Variants in ADAM9 observed in about 807,000 individuals in gnomAD.
ADAM9 encodes ADAM metallopeptidase domain 9.
Under a neutral mutation model 108.1 loss-of-function variants are expected in ADAM9, and 54 were observed. That is an observed-to-expected ratio of 0.50 (90% CI 0.40 to 0.63). The LOEUF (loss-of-function observed/expected upper bound fraction) is 0.63. Ranked by LOEUF, ADAM9 falls within the 20% of genes least tolerant of loss-of-function variation. The pLI is 0.00. For missense variants in ADAM9, 830 were observed against 997.7 expected (o/e 0.83, Z 2.26); for synonymous variants, 316 against 336.0 (o/e 0.94, Z 0.65).
At chr8:39,018,756 A>T in intron 6 of ADAM9, 97 bp from the exon 7 acceptor site, 2 of 1,058,692 alleles carry the variant, frequency 1.9e-6, no homozygotes, top group Middle Eastern at 2.0e-4. Context: ...TAATTTTATG[A>T]TGTTCTTAGC....
At chr8:39,001,016 T>A (rs908643159) in intron 1 of ADAM9, among the ~76,000 whole-genome samples, 1 of 152,190 alleles carries the variant, frequency 6.6e-6, no homozygotes, top group African/African-American at 2.4e-5. Context: ...ATTTAAGTCA[T>A]TTTAGGATGA....
At chr8:39,014,804 C>T in intron 4 of ADAM9, 1 of 407,418 alleles carries the variant, frequency 2.5e-6, no homozygotes, top group South Asian at 5.2e-5. Flanking sequence ...CAGCATTCTT[C>T]AAATAGGAGG....
chr8:39,049,027 G>T (rs1345638002), intron 12 of ADAM9, among the ~76,000 whole-genome samples: 1 of 137,702 alleles, frequency 7.3e-6, no homozygotes, highest in Non-Finnish European at 1.5e-5. Context: ...TATCCATTCA[G>T]TATGCTATGT....
At chr8:39,056,529 C>T (rs1838128750) in intron 14 of ADAM9, among the ~76,000 whole-genome samples, 1 of 152,120 alleles carries the variant, frequency 6.6e-6, no homozygotes, top group Non-Finnish European at 1.5e-5. Flanking sequence ...GCTGATTTTC[C>T]ATTCTTCATC....
intron 15 of ADAM9, among the ~76,000 whole-genome samples, chr8:39,072,702 A>G (rs141636923): frequency 0.013 from 1,939 of 152,290 alleles, 15 homozygotes; most frequent in Non-Finnish European, 0.019. Flanking sequence ...TTCGTCCTCC[A>G]GATCTCAGGT....
chr8:39,024,872 T>G (rs1195173862), intron 9 of ADAM9, among the ~76,000 whole-genome samples: 1 of 152,160 alleles, frequency 6.6e-6, no homozygotes, highest in African/African-American at 2.4e-5. Context: ...GATTAAAATT[T>G]TAGATAAAAG....
intron 1 of ADAM9, among the ~76,000 whole-genome samples, chr8:39,003,694 A>G (rs936966933): frequency 1.3e-5 from 2 of 152,200 alleles, no homozygotes; most frequent in African/African-American, 4.8e-5. Flanking sequence ...TTTTTATGGC[A>G]TGGCTTTAAT....
chr8:39,103,580 TA>T, intron 21 of ADAM9, 26 bp from the exon 22 acceptor site: 1 of 1,601,780 alleles, frequency 6.2e-7, no homozygotes, highest in African/African-American at 1.3e-5. Context: ...CTAAACACTC[TA>T]TTAACTATCT....
At chr8:39,077,166 T>C in intron 15 of ADAM9, 62 bp from the exon 16 acceptor site, 1 of 1,566,446 alleles carries the variant, frequency 6.4e-7, no homozygotes, top group South Asian at 1.1e-5. Flanking sequence ...AATATATAAA[T>C]TTTTTCTTTT....
intron 12 of ADAM9, among the ~76,000 whole-genome samples, chr8:39,045,104 GCATA>G (rs1438860536): frequency 6.2e-5 from 1 of 16,050 alleles, no homozygotes; most frequent in Non-Finnish European, 1.1e-4. Context: ...ATGTGTGTGT[GCATA>G]CATACATATG....
chr8:39,037,212 T>C (rs980962727), intron 11 of ADAM9, among the ~76,000 whole-genome samples: 9 of 149,896 alleles, frequency 6.0e-5, no homozygotes, highest in East Asian at 2.0e-4. Flanking sequence ...CGCCCGCCAC[T>C]GCGCCCGGCT....
chr8:39,000,901 A>G (rs1322801290), intron 1 of ADAM9, among the ~76,000 whole-genome samples: 1 of 152,210 alleles, frequency 6.6e-6, no homozygotes, highest in Non-Finnish European at 1.5e-5. Flanking sequence ...TTACTGGAAG[A>G]AAAGAAAATG....
At chr8:39,082,913 A>G in intron 17 of ADAM9, 55 bp from the exon 18 acceptor site, 2 of 1,489,006 alleles carry the variant, frequency 1.3e-6, no homozygotes, top group Non-Finnish European at 1.9e-6. Context: ...TCTTGAGTTG[A>G]TGATATAGAG....
At chr8:38,998,059 T>G (rs1350236446) in intron 1 of ADAM9, among the ~76,000 whole-genome samples, 1 of 152,250 alleles carries the variant, frequency 6.6e-6, no homozygotes, top group Admixed American at 6.5e-5. Flanking sequence ...TTTGCATGGC[T>G]GTATTTTCTC....
chr8:38,999,122 A>G (rs1835920232), intron 1 of ADAM9, among the ~76,000 whole-genome samples: 1 of 152,178 alleles, frequency 6.6e-6, no homozygotes, highest in Non-Finnish European at 1.5e-5. Context: ...CGTTCATACA[A>G]AATCAGCTGA....
At chr8:39,082,165 TTTA>T (rs1478791107) in intron 16 of ADAM9, among the ~76,000 whole-genome samples, 1 of 152,154 alleles carries the variant, frequency 6.6e-6, no homozygotes, top group Non-Finnish European at 1.5e-5. Context: ...AAAGTACCCT[TTTA>T]TTTTTGAAAG....
intron 14 of ADAM9, among the ~76,000 whole-genome samples, chr8:39,066,943 G>C (rs1315735523): frequency 6.6e-6 from 1 of 152,186 alleles, no homozygotes. Flanking sequence ...GTGTAAGGAA[G>C]GGATCCAGTT....
At chr8:39,042,281 C>T (rs1837478098) in intron 12 of ADAM9, among the ~76,000 whole-genome samples, 164 bp downstream of exon 12, 1 of 152,190 alleles carries the variant, frequency 6.6e-6, no homozygotes, top group South Asian at 2.1e-4. Context: ...GATTGGTCAT[C>T]TCCTTCTTCT....
chr8:39,038,524 C>T (rs1378773383), intron 11 of ADAM9, among the ~76,000 whole-genome samples: 2 of 152,108 alleles, frequency 1.3e-5, no homozygotes, highest in Non-Finnish European at 2.9e-5. Context: ...ACCCCGTCGC[C>T]TTTTTTCCCC....
Sources: gnomAD v4.1 joint callset for allele counts (sites outside exome capture counted in the v4.1 genomes callset) on GRCh38, gnomAD v4.1.1 for gene constraint, MANE v1.5 for transcripts, NCBI Gene and HGNC (gene_info 2026-07-23, HGNC 2026-07-21) for gene names.